Variants in SLIT3 observed in about 807,000 individuals in gnomAD.
SLIT3 encodes slit guidance ligand 3, also known as slit homolog 3 protein.
SLIT3 carries 68 observed loss-of-function variants against 184.0 expected under a neutral mutation model. The observed-to-expected ratio is 0.37, with a 90% CI of 0.30 to 0.45. The LOEUF is 0.45. Among genes scored for constraint, SLIT3 ranks in the 20% least tolerant of loss-of-function variants. The probability of loss-of-function intolerance (pLI) is 1.00; values close to 1 mark genes in which losing one functional copy is unlikely to be tolerated. For synonymous variants in SLIT3, 831 were observed against 828.6 expected, an observed-to-expected ratio of 1.00 and a Z score of -0.05; for missense variants, 1,707 against 2,026.0, an observed-to-expected ratio of 0.84 and a Z score of 3.02.
At chr5:168,868,523 G>T (rs943643551) in intron 5 of SLIT3, among the ~76,000 whole-genome samples, 13 of 152,204 alleles carry the variant, frequency 8.5e-5, no homozygotes, top group African/African-American at 2.9e-4. Context: ...GACAAAGGGG[G>T]CGGATCACGA....
intron 9 of SLIT3, among the ~76,000 whole-genome samples, chr5:168,796,013 C>T (rs985299686): frequency 2.0e-5 from 3 of 152,224 alleles, no homozygotes; most frequent in Non-Finnish European, 4.4e-5. Context: ...GTTAAACAGT[C>T]AGCCACACTG....
At chr5:168,878,791 C>G (rs1028740743) in intron 5 of SLIT3, among the ~76,000 whole-genome samples, 3 of 151,484 alleles carry the variant, frequency 2.0e-5, no homozygotes, top group Admixed American at 1.3e-4. Context: ...CTTGGCTCAC[C>G]GCAACCTCTG....
At chr5:169,259,080 C>A (rs1415060067) in intron 1 of SLIT3, among the ~76,000 whole-genome samples, 1 of 151,616 alleles carries the variant, frequency 6.6e-6, no homozygotes, top group Non-Finnish European at 1.5e-5. Flanking sequence ...TGAGAAAGTA[C>A]TTTTTTTTTG....
intron 3 of SLIT3, among the ~76,000 whole-genome samples, chr5:169,219,588 T>C (rs1316510913): frequency 6.7e-6 from 1 of 150,320 alleles, no homozygotes; most frequent in East Asian, 2.1e-4. Flanking sequence ...TGTGCAGAGG[T>C]GGCAGGGGTG....
intron 4 of SLIT3, among the ~76,000 whole-genome samples, chr5:169,097,761 G>A (rs1417973830): frequency 6.6e-6 from 1 of 152,150 alleles, no homozygotes; most frequent in Non-Finnish European, 1.5e-5. Flanking sequence ...TTGCTCTGTA[G>A]CCCCCCACCA....
chr5:168,792,515 G>A (rs578246278), intron 10 of SLIT3, among the ~76,000 whole-genome samples: 54 of 152,290 alleles, frequency 3.5e-4, no homozygotes, highest in African/African-American at 1.3e-3. Flanking sequence ...GACCAAGAAG[G>A]GGTAGCTTTT....
intron 4 of SLIT3, among the ~76,000 whole-genome samples, chr5:169,050,691 C>CTT (rs72350956): frequency 2.7e-5 from 4 of 146,156 alleles, no homozygotes; most frequent in East Asian, 2.0e-4. Flanking sequence ...TATAATAGCA[C>CTT]TTTTTTTTTT....
chr5:168,770,389 T>C (rs1755507319), intron 14 of SLIT3, among the ~76,000 whole-genome samples: 1 of 152,208 alleles, frequency 6.6e-6, no homozygotes, highest in South Asian at 2.1e-4. Flanking sequence ...AGAGTTATTA[T>C]CTGTCACATC....
At chr5:169,196,263 G>A (rs1057054577) in intron 3 of SLIT3, among the ~76,000 whole-genome samples, 4 of 152,160 alleles carry the variant, frequency 2.6e-5, no homozygotes, top group Non-Finnish European at 4.4e-5. Flanking sequence ...GGTGGAAGCC[G>A]TTGGAACTGG....
intron 18 of SLIT3, 126 bp downstream of exon 18, chr5:168,752,829 C>G (rs879840651): frequency 1.1e-6 from 1 of 931,010 alleles, no homozygotes; most frequent in Non-Finnish European, 1.6e-6. Context: ...ATACAGAAAG[C>G]CTGACGAGTT....
chr5:168,817,005 ATG>A (rs1156402255), intron 8 of SLIT3, among the ~76,000 whole-genome samples: 3 of 152,166 alleles, frequency 2.0e-5, no homozygotes, highest in African/African-American at 7.2e-5. Flanking sequence ...TTTCCATTTT[ATG>A]TGTGGCTCAA....
rs1765206411 is a variant in SLIT3, at chr5:169,236,486, T to G, written c.341+8219A>C. 1.3e-5 allele frequency among the ~76,000 whole-genome samples: 2 copies of G among 151,974 alleles called. 1 individual carries two copies. Among genetic ancestry groups the G allele is most frequent in the Admixed American group, 1.3e-4 (2 of 15,264 alleles). Reference sequence around the variant, plus strand: ...GAAAAGTGTTTTGTTTTGTTTTTTTTTTTTTTGACTGAATCTCCCTGTCAC... The same window carrying G: ...GAAAAGTGTTTTGTTTTGTTTTTTTGTTTTTTGACTGAATCTCCCTGTCAC... On this transcript the variant is annotated intron_variant, in intron 3 of 35. Coordinates refer to ENST00000519560, the MANE Select transcript of SLIT3 (RefSeq NM_003062.4).
At chr5:169,050,091 G>A (rs560480966) in intron 4 of SLIT3, among the ~76,000 whole-genome samples, 18 of 152,220 alleles carry the variant, frequency 1.2e-4, no homozygotes, top group South Asian at 4.2e-4. Context: ...AGAGGGGTGC[G>A]TTTTCTACAG....
At chr5:168,698,280 T>G (rs1393177201) in intron 27 of SLIT3, among the ~76,000 whole-genome samples, 1 of 152,186 alleles carries the variant, frequency 6.6e-6, no homozygotes, top group African/African-American at 2.4e-5. Flanking sequence ...GTGATCTTAT[T>G]TTGAAATAGG....
intron 3 of SLIT3, among the ~76,000 whole-genome samples, chr5:169,197,952 A>G (rs1763790665): frequency 6.6e-6 from 1 of 152,190 alleles, no homozygotes; most frequent in African/African-American, 2.4e-5. Context: ...AGATATAAAT[A>G]GAAGTTTTTG....
intron 4 of SLIT3, among the ~76,000 whole-genome samples, chr5:169,149,900 G>T (rs1360975315): frequency 6.6e-6 from 1 of 152,158 alleles, no homozygotes; most frequent in African/African-American, 2.4e-5. Flanking sequence ...TTCCCTCTAT[G>T]CCAGGAACTA....
At chr5:169,227,056 G>A (rs1764838925) in intron 3 of SLIT3, among the ~76,000 whole-genome samples, 1 of 152,178 alleles carries the variant, frequency 6.6e-6, no homozygotes, top group South Asian at 2.1e-4. Flanking sequence ...AAAAGGGCGG[G>A]TTCCAGGCAA....
At chr5:169,265,048 T>C (rs1465518589) in intron 1 of SLIT3, among the ~76,000 whole-genome samples, 3 of 152,284 alleles carry the variant, frequency 2.0e-5, no homozygotes, top group East Asian at 1.9e-4. Context: ...GATGTGGTCA[T>C]GGTGAGGGCA....
intron 4 of SLIT3, among the ~76,000 whole-genome samples, chr5:169,092,055 C>G (rs1759608093): frequency 6.6e-6 from 1 of 152,176 alleles, no homozygotes; most frequent in South Asian, 2.1e-4. Flanking sequence ...CACCCCATCT[C>G]TACTAAAAAA....
Sources: gnomAD v4.1 joint callset for allele counts (sites outside exome capture counted in the v4.1 genomes callset) on GRCh38, gnomAD v4.1.1 for gene constraint, MANE v1.5 for transcripts, NCBI Gene and HGNC (gene_info 2026-07-23, HGNC 2026-07-21) for gene names.